SYNE2: variants seen among roughly 807,000 people sequenced by gnomAD.
SYNE2 encodes the protein nesprin-2.
SYNE2 carries 431 observed loss-of-function variants against 856.3 expected under a neutral mutation model. The observed-to-expected ratio is 0.50, with a 90% CI of 0.47 to 0.55. SYNE2 has a LOEUF of 0.55. SYNE2 is among the 20% of genes least tolerant of loss of function. The pLI, the probability that SYNE2 is intolerant of heterozygous loss-of-function variation, is 0.00. For synonymous variants in SYNE2, 2,923 were observed against 2,872.3 expected, an observed-to-expected ratio of 1.02 and a Z score of -0.56; for missense variants, 8,129 against 8,023.2, an observed-to-expected ratio of 1.01 and a Z score of -0.50.
At chr14:64,161,817 A>T (rs957582873) in intron 87 of SYNE2, among the ~76,000 whole-genome samples, 1 of 152,154 alleles carries the variant, frequency 6.6e-6, no homozygotes, top group East Asian at 1.9e-4. Context: ...CATTCATAAC[A>T]TCATAGGTAT....
At chr14:64,004,326 T>G (rs555218644) in intron 30 of SYNE2, among the ~76,000 whole-genome samples, 26 of 151,190 alleles carry the variant, frequency 1.7e-4, no homozygotes, top group African/African-American at 5.8e-4. Flanking sequence ...GAGCCACCGT[T>G]GTTTTTTTGT....
At chr14:64,016,687 A>G (rs866528445) in intron 33 of SYNE2, 56 bp downstream of exon 33, 2 of 1,177,496 alleles carry the variant, frequency 1.7e-6, no homozygotes, top group South Asian at 1.4e-5. Flanking sequence ...ATTTTGGTGT[A>G]TCTTTAGTAT....
At chr14:63,948,780 G>GTATATA (rs1432911343) in intron 6 of SYNE2, among the ~76,000 whole-genome samples, 4 of 81,974 alleles carry the variant, frequency 4.9e-5, no homozygotes, top group Non-Finnish European at 9.4e-5. Flanking sequence ...GTATGTGTGT[G>GTATATA]TGTATATATA....
At chr14:64,173,936 A>G (rs766586550) in intron 94 of SYNE2, 23 of 697,926 alleles carry the variant, frequency 3.3e-5, no homozygotes, top group African/African-American at 7.0e-5. Flanking sequence ...GCATCTCTTA[A>G]AAAACAGGAC....
At chr14:63,836,382 T>C (rs1889860695) in intron 1 of SYNE2, among the ~76,000 whole-genome samples, 2 of 152,192 alleles carry the variant, frequency 1.3e-5, no homozygotes, top group African/African-American at 2.4e-5. Context: ...TTCAAAAATA[T>C]AGAAAAGTGC....
rs201427580 is a variant in SYNE2 at position 64,177,466 on chromosome 14, G to C, written c.17539G>C (p.Glu5847Gln). 7 of 1,614,032 alleles carry C rather than the reference G, an allele frequency of 4.3e-6. No individual in the cohort carries two copies. The highest frequency in any genetic ancestry group is 5.9e-6 in the Non-Finnish European group (7 of 1,179,980). Residue 5847 changes from glutamate (E) to glutamine (Q), a missense_variant, in exon 96 of 116, where the codon GAA (glutamate) becomes CAA (glutamine). By Grantham distance (29) the Glu-to-Gln change is conservative (BLOSUM62 2). Coordinates refer to ENST00000555002, the MANE Select transcript of SYNE2 (RefSeq NM_182914.3). ...LPELHEDLHN[E>Q]KELIKELEQS... ...AGAGCTTCACGAGGACCTCCATAAC[G>C]AAAAAGAGCTGATTAAGGTATTGAA...
chr14:64,077,779 C>G (rs1423720587), intron 54 of SYNE2, among the ~76,000 whole-genome samples: 1 of 152,052 alleles, frequency 6.6e-6, no homozygotes, highest in African/African-American at 2.4e-5. Flanking sequence ...GTGATACATT[C>G]AACATTCATT....
intron 21 of SYNE2, among the ~76,000 whole-genome samples, chr14:63,992,125 T>C (rs1322149552): frequency 6.6e-6 from 1 of 152,028 alleles, no homozygotes; most frequent in Non-Finnish European, 1.5e-5. Flanking sequence ...TTATTTTCAC[T>C]TTTACTCCTA....
At chr14:64,063,323 T>C (rs944777572) in intron 50 of SYNE2, among the ~76,000 whole-genome samples, 2 of 152,212 alleles carry the variant, frequency 1.3e-5, no homozygotes, top group Non-Finnish European at 2.9e-5. Context: ...GCTGGGATTA[T>C]AGGCGCGAGC....
chr14:63,852,821 A>C (rs1449276591), upstream of SYNE2, among the ~76,000 whole-genome samples: 2 of 151,664 alleles, frequency 1.3e-5, no homozygotes, highest in East Asian at 3.9e-4. Flanking sequence ...GATGTCCCAA[A>C]AGACGGGGAG....
intron 108 of SYNE2, among the ~76,000 whole-genome samples, chr14:64,216,967 C>T (rs1200297456): frequency 1.5e-5 from 2 of 131,992 alleles, no homozygotes; most frequent in South Asian, 2.6e-4. Context: ...CTCAAGTGAT[C>T]CACCTGCCTC....
chr14:64,169,770 G>A (rs1006962883), intron 93 of SYNE2, among the ~76,000 whole-genome samples: 2 of 152,122 alleles, frequency 1.3e-5, no homozygotes, highest in Non-Finnish European at 2.9e-5. Context: ...CTTATTTCTC[G>A]TGTGAAGGAT....
chr14:64,213,049 G>A, intron 105 of SYNE2, 44 bp downstream of exon 105: 1 of 1,607,086 alleles, frequency 6.2e-7, no homozygotes, highest in Non-Finnish European at 8.5e-7. Context: ...GCTGCTCAGA[G>A]TTTACGTGAG....
chr14:63,950,732 C>G (rs928100939), intron 7 of SYNE2, among the ~76,000 whole-genome samples: 1 of 152,158 alleles, frequency 6.6e-6, no homozygotes, highest in South Asian at 2.1e-4. Context: ...TTGTGGCTCA[C>G]TACAGCCTTG....
intron 66 of SYNE2, 140 bp downstream of exon 66, chr14:64,113,711 C>T: frequency 2.1e-6 from 2 of 939,240 alleles, no homozygotes; most frequent in South Asian, 2.8e-5. Context: ...GCTTTTAGTT[C>T]TCAGGGTAAT....
chr14:63,836,163 A>G (rs1889853806), intron 1 of SYNE2, among the ~76,000 whole-genome samples: 1 of 152,116 alleles, frequency 6.6e-6, no homozygotes, highest in Admixed American at 6.6e-5. Flanking sequence ...CTGGAACTAC[A>G]GGCATGTGCC....
At position 64,051,613 on chromosome 14, in the gene SYNE2, T is replaced by C. The variant is rs773128589; in HGVS notation, c.7700T>C (p.Ile2567Thr). 14 of 1,613,806 alleles carry C rather than the reference T, an allele frequency of 8.7e-6. No homozygotes were observed. In the South Asian group the frequency reaches 1.4e-4, roughly 16 times the overall value. ...AAAATTAAAAAATTCATAGCATCCATAGAAAAAGAGAAAGATTCTTTAGGC... is the reference window on the plus strand; with the variant it reads ...AAAATTAAAAAATTCATAGCATCCACAGAAAAAGAGAAAGATTCTTTAGGC... ...LDKIKKFIAS[I>T]EKEKDSLGNL... is the part of the protein sequence containing the mutation. Residue 2567 changes from isoleucine (I) to threonine (T), a missense_variant, in exon 48 of 116, where the codon ATA (isoleucine) becomes ACA (threonine). Transcript: ENST00000555002.
At chr14:63,926,582 T>G (rs975843609) in intron 2 of SYNE2, among the ~76,000 whole-genome samples, 5 of 152,174 alleles carry the variant, frequency 3.3e-5, no homozygotes, top group Non-Finnish European at 4.4e-5. Flanking sequence ...AAACTGTATT[T>G]ACAAAAGCAA....
At chr14:63,853,504 C>G (rs1467342901) in intron 1 of SYNE2, among the ~76,000 whole-genome samples, 1 of 151,684 alleles carries the variant, frequency 6.6e-6, no homozygotes, top group African/African-American at 2.4e-5. Context: ...GCCCGGGTGC[C>G]CCGGCCGCCC....
Sources: allele counts gnomAD v4.1 joint callset (sites outside exome capture counted in the v4.1 genomes callset), GRCh38; gene constraint gnomAD v4.1.1; transcripts MANE v1.5; gene names NCBI Gene and HGNC (gene_info 2026-07-23, HGNC 2026-07-21).